The following CNTN1 variants were observed in gnomAD, a reference collection of about 807,000 sequenced individuals.
CNTN1 encodes the protein contactin-1.
CNTN1 carries 38 observed loss-of-function variants against 126.4 expected under a neutral mutation model. The observed-to-expected ratio is 0.30, with a 90% CI of 0.23 to 0.39. The LOEUF (loss-of-function observed/expected upper bound fraction) is 0.39. Ranked by LOEUF, CNTN1 falls within the 10% of genes least tolerant of loss-of-function variation. The pLI is 1.00. For synonymous variants in CNTN1, 413 were observed against 422.6 expected, an observed-to-expected ratio of 0.98 and a Z score of 0.28; for missense variants, 1,009 against 1,248.4, an observed-to-expected ratio of 0.81 and a Z score of 2.89.
At chr12:41,013,753 T>C (rs147544878) in intron 17 of CNTN1, among the ~76,000 whole-genome samples, 4 of 151,818 alleles carry the variant, frequency 2.6e-5, no homozygotes, top group African/African-American at 9.7e-5. Flanking sequence ...TCAGAAAAAA[T>C]TGGGGAATTG....
chr12:40,945,722 T>TAA (rs34940542), intron 14 of CNTN1, among the ~76,000 whole-genome samples: 230 of 144,972 alleles, frequency 1.6e-3, no homozygotes, highest in Non-Finnish European at 2.1e-3. Flanking sequence ...CAGTCCCCTT[T>TAA]AAAAAAAAAA....
chr12:40,962,247 A>G (rs1947128445), intron 15 of CNTN1, among the ~76,000 whole-genome samples: 1 of 151,954 alleles, frequency 6.6e-6, no homozygotes, highest in African/African-American at 2.4e-5. Context: ...CCTAATCAAC[A>G]TGTGTGTGTG....
chr12:40,696,695 A>T (rs1208266553), intron 1 of CNTN1, among the ~76,000 whole-genome samples: 1 of 152,174 alleles, frequency 6.6e-6, no homozygotes, highest in Non-Finnish European at 1.5e-5. Flanking sequence ...ATTTCACTTC[A>T]ATAATATGAA....
At chr12:40,812,405 G>T (rs1941098188) in intron 1 of CNTN1, among the ~76,000 whole-genome samples, 2 of 151,940 alleles carry the variant, frequency 1.3e-5, no homozygotes, top group Admixed American at 1.3e-4. Flanking sequence ...TTGTCTATAG[G>T]TTATTTAAGA....
intron 1 of CNTN1, among the ~76,000 whole-genome samples, chr12:40,701,862 A>G (rs575506650): frequency 1.3e-5 from 2 of 152,276 alleles, no homozygotes; most frequent in East Asian, 3.9e-4. Context: ...AGAATGGCAG[A>G]CATACAGAAA....
chr12:41,002,986 CAGG>C (rs1395620760), intron 17 of CNTN1, among the ~76,000 whole-genome samples: 2 of 152,044 alleles, frequency 1.3e-5, no homozygotes, highest in Non-Finnish European at 2.9e-5. Flanking sequence ...CTGTGTTGAC[CAGG>C]AGAAGTGAGA....
chr12:40,841,287 TAA>T (rs994550110), intron 1 of CNTN1, among the ~76,000 whole-genome samples: 2 of 151,892 alleles, frequency 1.3e-5, no homozygotes, highest in African/African-American at 2.4e-5. Context: ...GAATCAGTAA[TAA>T]AAAGTCTCTC....
In CNTN1 at chr12:40,853,882, A is replaced by T. The variant is rs7312960; in HGVS notation, c.-76-54475A>T. The stretch of plus-strand genomic sequence containing the variant: ...AACTTTAAAAAATGCAGGAAGATAT[A>T]CAGTCCACTGACCATATGCCTCAGT... On this transcript the variant is annotated intron_variant, in intron 1 of 23. Coordinates refer to ENST00000551295, the MANE Select transcript of CNTN1 (RefSeq NM_001843.4). 3.8e-3 allele frequency among the ~76,000 whole-genome samples: 584 copies of T among 151,720 alleles called. 3 individuals are homozygous for T. Among genetic ancestry groups the T allele is most frequent in the African/African-American group, 0.014 (564 of 41,358 alleles).
intron 5 of CNTN1, 90 bp downstream of exon 5, chr12:40,922,518 C>T (rs1669731019): frequency 1.7e-6 from 2 of 1,209,324 alleles, no homozygotes; most frequent in East Asian, 2.4e-5. Context: ...GAGAGGAAGG[C>T]ATCATAGATG....
At chr12:40,717,652 C>T (rs746898805) in intron 1 of CNTN1, among the ~76,000 whole-genome samples, 12 of 152,154 alleles carry the variant, frequency 7.9e-5, no homozygotes, top group Admixed American at 3.9e-4. Flanking sequence ...AGCCTTATGA[C>T]ATCATGAGGA....
At chr12:40,816,746 T>C (rs978092144) in intron 1 of CNTN1, among the ~76,000 whole-genome samples, 8 of 152,146 alleles carry the variant, frequency 5.3e-5, no homozygotes, top group Non-Finnish European at 1.0e-4. Context: ...AGAGATTGAT[T>C]TGAGATCCTT....
At chr12:40,926,344 T>A (rs900627863) in intron 6 of CNTN1, among the ~76,000 whole-genome samples, 1 of 151,822 alleles carries the variant, frequency 6.6e-6, no homozygotes, top group Non-Finnish European at 1.5e-5. Context: ...AATATGAGTA[T>A]CCGAGAGAAG....
At chr12:40,709,986 G>A (rs1216136697) in intron 1 of CNTN1, among the ~76,000 whole-genome samples, 1 of 152,024 alleles carries the variant, frequency 6.6e-6, no homozygotes, top group Non-Finnish European at 1.5e-5. Context: ...TCACAACTTA[G>A]CTATTTCGCC....
intron 1 of CNTN1, among the ~76,000 whole-genome samples, chr12:40,757,253 C>T (rs142940462): frequency 2.3e-4 from 34 of 147,116 alleles, no homozygotes; most frequent in African/African-American, 8.3e-4. Flanking sequence ...AATGCCATCA[C>T]GTTAGGGGTG....
At chr12:40,702,724 C>A (rs1941634382) in intron 1 of CNTN1, among the ~76,000 whole-genome samples, 1 of 152,162 alleles carries the variant, frequency 6.6e-6, no homozygotes. Flanking sequence ...GCATGAGACA[C>A]TGTGCCTGGC....
intron 1 of CNTN1, among the ~76,000 whole-genome samples, chr12:40,754,196 T>C (rs1358804517): frequency 6.6e-6 from 1 of 152,054 alleles, no homozygotes; most frequent in Non-Finnish European, 1.5e-5. Flanking sequence ...CATTTTTTGG[T>C]TTTGTTTTAC....
chr12:40,788,617 T>C (rs1014323557), intron 1 of CNTN1, among the ~76,000 whole-genome samples: 5 of 152,014 alleles, frequency 3.3e-5, no homozygotes, highest in African/African-American at 1.2e-4. Context: ...AAATGACCCC[T>C]TGGAAAATTT....
intron 1 of CNTN1, among the ~76,000 whole-genome samples, chr12:40,895,784 G>A (rs1274903301): frequency 2.8e-5 from 4 of 141,644 alleles, no homozygotes; most frequent in African/African-American, 5.3e-5. Flanking sequence ...TTGAGACGGA[G>A]TCTGGCTCTG....
At chr12:40,785,496 C>T (rs7315920) in intron 1 of CNTN1, among the ~76,000 whole-genome samples, 137,712 of 152,078 alleles carry the variant, frequency 0.91, 62,486 homozygotes, top group Middle Eastern at 0.95. Context: ...CGGGCTGAGT[C>T]CAAAAAGAAA....
Sources: gnomAD v4.1 joint callset for allele counts (sites outside exome capture counted in the v4.1 genomes callset) on GRCh38, gnomAD v4.1.1 for gene constraint, MANE v1.5 for transcripts, NCBI Gene and HGNC (gene_info 2026-07-23, HGNC 2026-07-21) for gene names.